ASIC2: variants seen among roughly 807,000 people sequenced by gnomAD.
ASIC2 encodes the protein acid sensing ion channel subunit 2, also known as acid-sensing ion channel 2.
A neutral mutation model predicts 57.3 loss-of-function variants in ASIC2; 25 were observed. The observed-to-expected ratio is 0.44, with a 90% CI of 0.32 to 0.61. The LOEUF is 0.61. Among genes scored for constraint, ASIC2 ranks in the 20% least tolerant of loss-of-function variants. The probability of loss-of-function intolerance (pLI) is 0.06; values close to 1 mark genes in which losing one functional copy is unlikely to be tolerated. For synonymous variants in ASIC2, 319 were observed against 307.5 expected, an observed-to-expected ratio of 1.04 and a Z score of -0.39; for missense variants, 641 against 738.1, an observed-to-expected ratio of 0.87 and a Z score of 1.52.
intron 1 of ASIC2, among the ~76,000 whole-genome samples, chr17:33,853,020 G>A (rs940723138): frequency 1.3e-5 from 2 of 152,152 alleles, no homozygotes; most frequent in Middle Eastern, 6.3e-3. Flanking sequence ...AAAGCTATCA[G>A]CCTTTCCTCA....
intron 1 of ASIC2, among the ~76,000 whole-genome samples, chr17:34,099,775 AAAGAAAGAAAGAAAGAAAGAAAG>A (rs1910783024): frequency 6.3e-5 from 5 of 79,188 alleles, no homozygotes; most frequent in East Asian, 2.8e-4. Context: ...AGAAAGAAAG[AAAGAAAGAAAGAAAGAAAGAAAG>A]AAAGAAAAGA....
chr17:33,928,993 C>T (rs1288181765), intron 1 of ASIC2, among the ~76,000 whole-genome samples: 1 of 152,104 alleles, frequency 6.6e-6, no homozygotes, highest in African/African-American at 2.4e-5. Context: ...CTTCTTCTTT[C>T]TTGGCATCTT....
intron 3 of ASIC2, among the ~76,000 whole-genome samples, chr17:33,038,445 A>G (rs2091917813): frequency 6.6e-6 from 1 of 152,136 alleles, no homozygotes; most frequent in African/African-American, 2.4e-5. Context: ...TGGAGCTGGG[A>G]GAGAGATCTG....
intron 1 of ASIC2, among the ~76,000 whole-genome samples, chr17:33,886,288 C>T (rs1301760214): frequency 6.6e-6 from 1 of 152,002 alleles, no homozygotes; most frequent in Non-Finnish European, 1.5e-5. Context: ...TCTCATTGGC[C>T]AAGGTAAGAC....
chr17:33,021,222 G>A lies in ASIC2; in HGVS notation c.1438C>T (p.Leu480Phe). 7.4e-7 allele frequency: 1 copy of A among 1,360,196 alleles called. No individual in the cohort carries two copies. The highest frequency in any genetic ancestry group is 9.8e-7 in the Non-Finnish European group (1 of 1,020,758). The allele number at this position is 1,360,196 out of a possible 1,614,324, so 84.3% of individuals were successfully genotyped here. A position where few individuals can be genotyped will look rare whatever the true frequency, so the allele number is the denominator to read the frequency against. The change falls in exon 7 of 10, where the codon CTT becomes TTT. Residue 480 changes from leucine (L) to phenylalanine (F), a missense_variant. Physicochemically the swap from Leu to Phe is conservative, Grantham distance 22. Around this residue, in one of 3 missense-constraint regions of ASIC2, gnomAD observed 252 missense variants for 319.8 expected, o/e 0.79. Transcript: ENST00000225823. ...TGTGCAATAGACACTGACTTACCAA[G>A]TAAGGCAGCAACTTCATACGCCTTC... ...QKKAYEVAALLGDIGGQMGLF... is the reference protein window; with the variant it reads ...QKKAYEVAALFGDIGGQMGLF...
At chr17:33,872,818 C>T (rs889826156) in intron 1 of ASIC2, among the ~76,000 whole-genome samples, 4 of 152,128 alleles carry the variant, frequency 2.6e-5, no homozygotes, top group African/African-American at 9.7e-5. Flanking sequence ...ACTATACAAC[C>T]TTCCTGGGTG....
rs75365264 is a variant in ASIC2 at position 34,017,746 on chromosome 17, A to G, written c.555+138232T>C. ...ACAGCATTCCCTTAAGCCAAAGCCT[A>G]ATCCAGAGCAAGGACCCAGTTCTCT... On this transcript the variant is annotated intron_variant, in intron 1 of 9. Coordinates refer to the ASIC2 transcript ENST00000359872. Among the ~76,000 whole-genome samples, 957 of 152,370 alleles carry G rather than the reference A, an allele frequency of 6.3e-3. 10 individuals carry two copies. Among genetic ancestry groups the G allele is most frequent in the Non-Finnish European group, 0.01 (710 of 68,030 alleles).
chr17:33,704,632 A>G (rs1166137398), intron 1 of ASIC2, among the ~76,000 whole-genome samples: 2 of 152,230 alleles, frequency 1.3e-5, no homozygotes, highest in Non-Finnish European at 2.9e-5. Flanking sequence ...AGGTATCACA[A>G]CAGCTGTCAA....
At chr17:34,058,408 C>A (rs1477271197) in intron 1 of ASIC2, among the ~76,000 whole-genome samples, 1 of 152,196 alleles carries the variant, frequency 6.6e-6, no homozygotes, top group Non-Finnish European at 1.5e-5. Flanking sequence ...CCCTTGAATC[C>A]AGATTTTCTC....
At chr17:33,323,202 T>C (rs1906937327) in intron 1 of ASIC2, among the ~76,000 whole-genome samples, 1 of 152,172 alleles carries the variant, frequency 6.6e-6, no homozygotes, top group South Asian at 2.1e-4. Context: ...CGGAAGTGGA[T>C]GCATATGTTC....
chr17:34,109,083 G>A (rs1911174644), intron 1 of ASIC2, among the ~76,000 whole-genome samples: 1 of 149,862 alleles, frequency 6.7e-6, no homozygotes, highest in Non-Finnish European at 1.5e-5. Flanking sequence ...TATACTTTAA[G>A]TTTTAGGGTA....
chr17:33,022,143 G>A (rs1202163894), intron 6 of ASIC2, among the ~76,000 whole-genome samples: 6 of 152,318 alleles, frequency 3.9e-5, no homozygotes, highest in Middle Eastern at 3.4e-3. Flanking sequence ...AGCAGGGCTC[G>A]CAGGGCAGCT....
chr17:33,877,058 AG>A (rs1914563723), intron 1 of ASIC2, among the ~76,000 whole-genome samples: 1 of 152,240 alleles, frequency 6.6e-6, no homozygotes, highest in Non-Finnish European at 1.5e-5. Flanking sequence ...AGTGAGGCCA[AG>A]GCCTCACATT....
At chr17:33,424,915 G>C (rs924060518) in intron 1 of ASIC2, among the ~76,000 whole-genome samples, 2 of 152,158 alleles carry the variant, frequency 1.3e-5, no homozygotes, top group African/African-American at 2.4e-5. Flanking sequence ...CCTTCTTTTT[G>C]TGCTGCAGAA....
At chr17:34,131,719 C>T (rs776232084) in intron 1 of ASIC2, among the ~76,000 whole-genome samples, 1 of 152,248 alleles carries the variant, frequency 6.6e-6, no homozygotes, top group Non-Finnish European at 1.5e-5. Context: ...CAGTCTGTGG[C>T]TCTGCGTGCC....
intron 1 of ASIC2, among the ~76,000 whole-genome samples, chr17:33,503,013 C>T (rs925449448): frequency 2.6e-5 from 4 of 152,156 alleles, no homozygotes; most frequent in African/African-American, 9.7e-5. Flanking sequence ...ATTGATAATA[C>T]CTTGTGATTC....
intron 1 of ASIC2, among the ~76,000 whole-genome samples, chr17:33,933,154 G>T (rs962593420): frequency 6.6e-6 from 1 of 152,100 alleles, no homozygotes; most frequent in African/African-American, 2.4e-5. Flanking sequence ...CAGGGCCTTT[G>T]CACATGCTGT....
Position 33,013,731 on chromosome 17 carries a change from G to A in ASIC2, c.*234C>T. On this transcript the variant is annotated 3_prime_UTR_variant, in exon 10 of 10. Transcript: ENST00000225823. The stretch of plus-strand genomic sequence containing the variant: ...AGATGTGATGGCAGGTTCGTTCTTG[G>A]ACAGTTCCAGAGTGTGACTCATCTC... 1.8e-6 allele frequency: 1 copy of A among 559,724 alleles called. No homozygotes were observed. Among genetic ancestry groups the A allele is most frequent in the Non-Finnish European group, 3.2e-6 (1 of 311,818 alleles). The allele number at this position is 559,724 out of a possible 1,614,324, so 34.7% of individuals were successfully genotyped here. A position where few individuals can be genotyped will look rare whatever the true frequency, so the allele number is the denominator to read the frequency against.
At chr17:33,624,130 G>A (rs1905899628) in intron 1 of ASIC2, 1 of 152,194 alleles carries the variant, frequency 6.6e-6, no homozygotes, top group Non-Finnish European at 1.5e-5. Flanking sequence ...GACATTTTGT[G>A]CTGCTTGGCC....
Sources: allele counts gnomAD v4.1 joint callset (sites outside exome capture counted in the v4.1 genomes callset), GRCh38; gene constraint gnomAD v4.1.1; regional missense constraint gnomAD v4.1.1; transcripts MANE v1.5; gene names NCBI Gene and HGNC (gene_info 2026-07-23, HGNC 2026-07-21).